SPON2: variants seen among roughly 807,000 people sequenced by gnomAD.
The protein encoded by SPON2 is spondin 2, also known as spondin-2.
A neutral mutation model predicts 29.9 loss-of-function variants in SPON2; 32 were observed. The ratio of observed to expected loss-of-function variants is 1.07; its 90% confidence interval spans 0.81 to 1.44. The LOEUF (loss-of-function observed/expected upper bound fraction) is 1.44, where lower values mean the gene tolerates loss of function less well. SPON2 is among the 40% of genes most tolerant of loss of function. The probability of loss-of-function intolerance (pLI) is 0.00; values close to 1 mark genes in which losing one functional copy is unlikely to be tolerated. For synonymous variants in SPON2, 248 were observed against 209.1 expected (o/e 1.19, Z -1.61); for missense variants, 541 against 455.5 (o/e 1.19, Z -1.71).
Position 1,205,560 on chromosome 4 carries a change from C to T in SPON2, c.-234+2320G>A, listed in dbSNP as rs572535376. 1.2e-3 allele frequency among the ~76,000 whole-genome samples: 173 copies of T among 146,540 alleles called. No homozygotes were observed. In the Middle Eastern group the frequency reaches 0.014, roughly 12 times the overall value. On this transcript the variant is annotated intron_variant, in intron 1 of 3. Transcript: ENST00000509233. The stretch of plus-strand genomic sequence containing the variant: ...ATCCTGGCCTCCCGCAATCCTGTCC[C>T]CAGAGGCCCCATCGGAGCCGCCTGG...
At chr4:1,206,427 C>A (rs1023215030) in intron 1 of SPON2, among the ~76,000 whole-genome samples, 8 of 152,236 alleles carry the variant, frequency 5.3e-5, no homozygotes, top group African/African-American at 1.9e-4. Context: ...AGGCCGGCAG[C>A]CCAGGTTGTG....
Position 1,171,210 on chromosome 4 carries a change from G to A in SPON2, c.445-20C>T. The A allele has an allele frequency of 6.8e-7, 1 of 1,472,980 alleles. No homozygotes were observed. The highest frequency in any genetic ancestry group is 8.9e-7 in the Non-Finnish European group (1 of 1,121,202). 91.2% of individuals were successfully genotyped at this position (1,472,980 alleles called of 1,614,324 possible). On this transcript the variant is annotated intron_variant, in intron 3 of 5. Coordinates refer to ENST00000290902, the MANE Select transcript of SPON2 (RefSeq NM_012445.4). The stretch of plus-strand genomic sequence containing the variant: ...CGAGACCTGCGGCGACAGCGGCTCA[G>A]CGCGCCTGGCCCCGGCCCCCCGGAC...
chr4:1,207,920 C>G (rs1728386027), exon 1 of SPON2: 1 of 152,756 alleles, frequency 6.5e-6, no homozygotes, highest in Non-Finnish European at 1.5e-5. Context: ...CACCCACGCC[C>G]TGGCCGGGCC....
intron 1 of SPON2, among the ~76,000 whole-genome samples, chr4:1,187,837 C>A: frequency 6.6e-6 from 1 of 152,094 alleles, no homozygotes; most frequent in Non-Finnish European, 1.5e-5. Flanking sequence ...GAAAAAAGAG[C>A]TACACACATA....
At position 1,193,209 on chromosome 4, in the gene SPON2, GC is replaced by G. The variant is rs1243631375; in HGVS notation, c.-239+1780del. Among the ~76,000 whole-genome samples the G allele has an allele frequency of 3.3e-5, 5 of 152,352 alleles. No homozygotes were observed. In the East Asian group the frequency reaches 5.8e-4, roughly 18 times the overall value. Reference sequence around the variant, plus strand: ...TGACCCTGCCTTTGATCTGGAGGATGCTAATGGACCCTGCAGAGAGAAAGTG... The same window carrying G: ...TGACCCTGCCTTTGATCTGGAGGATGTAATGGACCCTGCAGAGAGAAAGTG... On this transcript the variant is annotated intron_variant, in intron 1 of 3. Coordinates refer to the SPON2 transcript ENST00000502483.
chr4:1,174,501 AACAAAAAAAC>A (rs1245131740), upstream of SPON2, among the ~76,000 whole-genome samples: 3 of 149,474 alleles, frequency 2.0e-5, no homozygotes, highest in African/African-American at 7.6e-5. Context: ...AAAAAAAAAA[AACAAAAAAAC>A]AAAAAACAAA....
Position 1,183,128 on chromosome 4 carries a change from T to C in SPON2, c.-238-3587A>G, listed in dbSNP as rs550344853. Among the ~76,000 whole-genome samples, 35 of 151,608 alleles carry C rather than the reference T, an allele frequency of 2.3e-4. No homozygotes were observed. The East Asian group carries it at 6.2e-3, about 27-fold the overall frequency. ...TGGTGGTGCATGCCTGTAATCCCAGTTACTCAGGAGGCTGAGGCAGGAGAA... is the reference window on the plus strand; with the variant it reads ...TGGTGGTGCATGCCTGTAATCCCAGCTACTCAGGAGGCTGAGGCAGGAGAA... On this transcript the variant is annotated intron_variant, in intron 1 of 3. Coordinates refer to the SPON2 transcript ENST00000502483.
chr4:1,194,940 GGC>G (rs1491097443), intron 1 of SPON2: 2 of 146,328 alleles, frequency 1.4e-5, no homozygotes, highest in South Asian at 2.1e-4. Context: ...CGCAGCCGGC[GGC>G]TCCAACCTCG....
rs200308601 is a variant in SPON2 at position 1,171,935 on chromosome 4, G to A, written c.137C>T (p.Thr46Ile). 472 of 1,612,926 alleles carry A rather than the reference G, an allele frequency of 2.9e-4. 3 individuals are homozygous for A. In the East Asian group the frequency reaches 9.1e-3, roughly 31 times the overall value. Residue 46 changes from threonine (T) to isoleucine (I), a missense_variant, in exon 2 of 6, where the codon ACC (threonine) becomes ATC (isoleucine). Physicochemically the swap from Thr to Ile is moderately conservative, Grantham distance 89. Coordinates refer to ENST00000290902, the MANE Select transcript of SPON2 (RefSeq NM_012445.4). ...CGTCTGGCTCCACTTGCCCGTGAAG[G>A]TGATGCTGTATTTGGCCAGGGCTCT... ...SARALAKYSITFTGKWSQTAF... is the reference protein window; with the variant it reads ...SARALAKYSIIFTGKWSQTAF...
rs530676553 is a variant in SPON2, at chr4:1,170,292, C to T, written c.811+110G>A. The T allele has an allele frequency of 1.3e-5, 14 of 1,060,892 alleles. No individual in the cohort carries two copies. The East Asian group carries it at 2.1e-4, about 16-fold the overall frequency. 65.7% of individuals were successfully genotyped at this position (1,060,892 alleles called of 1,614,324 possible). A position where few individuals can be genotyped will look rare whatever the true frequency, so the allele number is the denominator to read the frequency against. On this transcript the variant is annotated intron_variant, in intron 5 of 5. Coordinates refer to ENST00000290902, the MANE Select transcript of SPON2 (RefSeq NM_012445.4). ...TCTAGGCACCATCTTGCAGTACGCACTACGAATCCCTACTTGGAATTTCTC... is the reference window on the plus strand; with the variant it reads ...TCTAGGCACCATCTTGCAGTACGCATTACGAATCCCTACTTGGAATTTCTC...
At chr4:1,177,211 C>T (rs1727621056), upstream of SPON2, among the ~76,000 whole-genome samples, 1 of 152,216 alleles carries the variant, frequency 6.6e-6, no homozygotes, top group South Asian at 2.1e-4. Context: ...CCTGTGTCCA[C>T]ATCCAGCTCC....
rs145862245 is a variant in SPON2 at position 1,202,692 on chromosome 4, G to A, written c.-234+5188C>T. Reference sequence around the variant, plus strand: ...CGGAGGCAGCCCCCACCTCAGCTCCGGTGGGCATAGCCTCGGTGGGGACTC... The same window carrying A: ...CGGAGGCAGCCCCCACCTCAGCTCCAGTGGGCATAGCCTCGGTGGGGACTC... On this transcript the variant is annotated intron_variant, in intron 1 of 3. Coordinates refer to the SPON2 transcript ENST00000509233. This position sits in a 1 kb window ranked among gnomAD's most constrained non-coding sequence, Gnocchi z 5.4. 0.015 allele frequency among the ~76,000 whole-genome samples: 2,309 copies of A among 152,226 alleles called. 25 individuals carry two copies. The highest frequency in any genetic ancestry group is 0.024 in the Admixed American group (368 of 15,296).
intron 1 of SPON2, among the ~76,000 whole-genome samples, chr4:1,183,262 AG>A (rs1347335583): frequency 1.3e-5 from 2 of 151,436 alleles, no homozygotes; most frequent in Non-Finnish European, 2.9e-5. Flanking sequence ...AAAACAAAAA[AG>A]AAAGAGAGAG....
At chr4:1,193,751 T>G (rs1377386696) in intron 1 of SPON2, among the ~76,000 whole-genome samples, 1 of 754 alleles carries the variant, frequency 1.3e-3, no homozygotes, top group African/African-American at 6.4e-3. Flanking sequence ...ACGTGGGGGG[T>G]GGTGTGGGAA....
chr4:1,205,515 G>T (rs1171216883), intron 1 of SPON2, among the ~76,000 whole-genome samples: 1 of 152,190 alleles, frequency 6.6e-6, no homozygotes, highest in African/African-American at 2.4e-5. Context: ...AGGTGCTAAG[G>T]TTCAGGGTTA....
chr4:1,206,086 G>A (rs1342749626), intron 1 of SPON2, among the ~76,000 whole-genome samples: 1 of 152,200 alleles, frequency 6.6e-6, no homozygotes, highest in African/African-American at 2.4e-5. Flanking sequence ...GGCTTCTCCT[G>A]CCTGGTCTCC....
chr4:1,175,958 A>G (rs1238088206), upstream of SPON2, among the ~76,000 whole-genome samples: 2 of 152,146 alleles, frequency 1.3e-5, no homozygotes, highest in Non-Finnish European at 2.9e-5. Flanking sequence ...CCCCTCCAAA[A>G]GCACGCCTGC....
upstream of SPON2, among the ~76,000 whole-genome samples, chr4:1,174,486 C>CAAAAAAAAAAAAAAAAAAA (rs59532169): frequency 3.2e-5 from 3 of 94,256 alleles, no homozygotes; most frequent in African/African-American, 4.4e-5. Context: ...GACTCCATCT[C>CAAAAAAAAAAAAAAAAAAA]AAAAAAAAAA....
intron 1 of SPON2, chr4:1,200,952 G>T (rs1357490485): frequency 4.4e-6 from 2 of 456,626 alleles, no homozygotes; most frequent in Non-Finnish European, 8.8e-6. Flanking sequence ...TGGCTCTGTT[G>T]CAGCAGACCT....
Sources: allele counts gnomAD v4.1 joint callset (sites outside exome capture counted in the v4.1 genomes callset), GRCh38; gene constraint gnomAD v4.1.1; non-coding constraint Gnocchi (gnomAD v3.1); transcripts MANE v1.5; gene names NCBI Gene and HGNC (gene_info 2026-07-23, HGNC 2026-07-21).